PLCH1: variants seen among roughly 807,000 people sequenced by gnomAD.
PLCH1 encodes phospholipase C eta 1, also known as 1-phosphatidylinositol 4,5-bisphosphate phosphodiesterase eta-1.
PLCH1 carries 60 observed loss-of-function variants against 126.7 expected under a neutral mutation model. That is an observed-to-expected ratio of 0.47 (90% CI 0.38 to 0.59). The LOEUF is 0.59. Among genes scored for constraint, PLCH1 ranks in the 20% least tolerant of loss-of-function variants. The pLI is 0.00. For missense variants in PLCH1, 1,723 were observed against 2,040.0 expected (o/e 0.84, Z 2.99); for synonymous variants, 719 against 734.9 (o/e 0.98, Z 0.35).
chr3:155,457,693 G>A (rs1027834804), intron 21 of PLCH1: 3 of 152,026 alleles, frequency 2.0e-5, no homozygotes, highest in Non-Finnish European at 2.9e-5. Flanking sequence ...CAAGGAATTC[G>A]GTTAAATCTT....
intron 2 of PLCH1, among the ~76,000 whole-genome samples, chr3:155,694,981 T>C (rs1745690685): frequency 6.8e-6 from 1 of 147,758 alleles, no homozygotes; most frequent in African/African-American, 2.5e-5. Context: ...AATGCAGGTC[T>C]ATTCTGTGCT....
At chr3:155,483,999 G>A (rs1336315281) in intron 22 of PLCH1, among the ~76,000 whole-genome samples, 1 of 151,744 alleles carries the variant, frequency 6.6e-6, no homozygotes, top group African/African-American at 2.4e-5. Flanking sequence ...AAATTATAAA[G>A]AAAAAATTAA....
intron 14 of PLCH1, among the ~76,000 whole-genome samples, chr3:155,500,354 G>A (rs1717712499): frequency 6.6e-6 from 1 of 152,112 alleles, no homozygotes; most frequent in South Asian, 2.1e-4. Context: ...TTGAAATCTG[G>A]CTGATTTCAG....
intron 2 of PLCH1, among the ~76,000 whole-genome samples, chr3:155,696,317 T>C (rs1745795231): frequency 6.6e-6 from 1 of 152,202 alleles, no homozygotes; most frequent in Admixed American, 6.5e-5. Flanking sequence ...AACTGCAGTT[T>C]TTCAACTTTC....
chr3:155,743,281 C>G (rs898494113), intron 1 of PLCH1: 2 of 451,394 alleles, frequency 4.4e-6, no homozygotes, highest in African/African-American at 4.0e-5. Flanking sequence ...CCTGTGATCC[C>G]CACACTTTGG....
chr3:155,473,312 C>A (rs201643315), intron 21 of PLCH1, among the ~76,000 whole-genome samples: 31 of 151,984 alleles, frequency 2.0e-4, no homozygotes, highest in South Asian at 1.3e-3. Context: ...TCATGAGTGA[C>A]CTCCCATTCA....
chr3:155,609,352 C>T (rs902618381), intron 2 of PLCH1, among the ~76,000 whole-genome samples: 8 of 152,150 alleles, frequency 5.3e-5, no homozygotes, highest in African/African-American at 7.2e-5. Flanking sequence ...AGGAGAACAC[C>T]ACATCAAGCA....
chr3:155,607,640 C>T (rs58162674), intron 2 of PLCH1, among the ~76,000 whole-genome samples: 8,001 of 152,136 alleles, frequency 0.053, 437 homozygotes, highest in African/African-American at 0.13. Flanking sequence ...CAGGGTTTCA[C>T]CATGTTGGCC....
At chr3:155,601,446 C>A (rs1375233160) in intron 2 of PLCH1, among the ~76,000 whole-genome samples, 2 of 151,756 alleles carry the variant, frequency 1.3e-5, no homozygotes, top group Non-Finnish European at 2.9e-5. Context: ...ATATTAATAT[C>A]ATTTATGTTA....
At chr3:155,611,928 A>G (rs1020557053) in intron 2 of PLCH1, among the ~76,000 whole-genome samples, 1 of 152,220 alleles carries the variant, frequency 6.6e-6, no homozygotes, top group African/African-American at 2.4e-5. Flanking sequence ...TGAGTCAACA[A>G]TAAAATCCAG....
At chr3:155,589,504 T>C (rs2108622722) in intron 4 of PLCH1, among the ~76,000 whole-genome samples, 1 of 152,204 alleles carries the variant, frequency 6.6e-6, no homozygotes, top group African/African-American at 2.4e-5. Flanking sequence ...TCCTCCTGGA[T>C]TGGGAGTGGG....
At chr3:155,513,178 T>C (rs1719837450) in intron 12 of PLCH1, among the ~76,000 whole-genome samples, 1 of 152,222 alleles carries the variant, frequency 6.6e-6, no homozygotes. Flanking sequence ...CATATGTATC[T>C]GGCACAGAGG....
chr3:155,475,922 C>A (rs2107988013), downstream of PLCH1, among the ~76,000 whole-genome samples: 1 of 152,092 alleles, frequency 6.6e-6, no homozygotes, highest in Non-Finnish European at 1.5e-5. Context: ...TCAAACTATT[C>A]CAGAAAATAG....
intron 5 of PLCH1, 102 bp from the exon 6 acceptor site, chr3:155,583,744 C>G: frequency 1.3e-6 from 1 of 749,732 alleles, no homozygotes. Context: ...ACACAAATCC[C>G]AAGAGGTGAG....
At chr3:155,730,794 A>G (rs1407906282) in intron 1 of PLCH1, among the ~76,000 whole-genome samples, 2 of 152,234 alleles carry the variant, frequency 1.3e-5, no homozygotes, top group Admixed American at 1.3e-4. Context: ...TAGGAAGGAC[A>G]GTTTTACATT....
chr3:155,647,820 A>G (rs551601983), intron 2 of PLCH1, among the ~76,000 whole-genome samples: 1 of 152,282 alleles, frequency 6.6e-6, no homozygotes, highest in East Asian at 1.9e-4. Context: ...GTAAGCATCA[A>G]TAGAATATTC....
chr3:155,593,892 A>C (rs1200239416), intron 4 of PLCH1, 49 bp downstream of exon 4: 1 of 1,589,944 alleles, frequency 6.3e-7, no homozygotes, highest in Non-Finnish European at 8.6e-7. Flanking sequence ...GCACACACGC[A>C]TACACAGAGA....
chr3:155,718,654 G>C (rs1747705417), intron 1 of PLCH1, among the ~76,000 whole-genome samples: 1 of 152,090 alleles, frequency 6.6e-6, no homozygotes, highest in Admixed American at 6.5e-5. Flanking sequence ...TGAGTGCGGG[G>C]GGGAGGTGCC....
intron 11 of PLCH1, among the ~76,000 whole-genome samples, chr3:155,515,762 A>G (rs1329706305): frequency 6.6e-6 from 1 of 151,590 alleles, no homozygotes; most frequent in African/African-American, 2.4e-5. Flanking sequence ...TGTTTCCAAT[A>G]CCTTTCCATA....
Sources: allele counts gnomAD v4.1 joint callset (sites outside exome capture counted in the v4.1 genomes callset), GRCh38; gene constraint gnomAD v4.1.1; transcripts MANE v1.5; gene names NCBI Gene and HGNC (gene_info 2026-07-23, HGNC 2026-07-21).